CD82: variants seen among roughly 807,000 people sequenced by gnomAD.
The protein encoded by CD82 is CD82 molecule.
In CD82, 36 loss-of-function variants were observed where a neutral mutation model predicts 37.4. The observed-to-expected ratio is 0.96, with a 90% CI of 0.74 to 1.27. The LOEUF is 1.27. Among genes scored for constraint, CD82 ranks in the 50% most tolerant of loss-of-function variants. The pLI is 0.00. For synonymous variants in CD82, 158 were observed against 137.4 expected (o/e 1.15, Z -1.05); for missense variants, 340 against 347.0 (o/e 0.98, Z 0.16).
chr11:44,570,107 A>G (rs1012065274), intron 1 of CD82, among the ~76,000 whole-genome samples: 2 of 152,064 alleles, frequency 1.3e-5, no homozygotes, highest in Non-Finnish European at 2.9e-5. Flanking sequence ...TGCCTCTCCA[A>G]TATGTGTGTG....
At chr11:44,595,689 A>G (rs931411503) in intron 3 of CD82, among the ~76,000 whole-genome samples, 6 of 152,086 alleles carry the variant, frequency 3.9e-5, no homozygotes, top group African/African-American at 1.2e-4. Flanking sequence ...TACGGTAGAT[A>G]TTAATTACTT....
intron 1 of CD82, chr11:44,585,104 T>C: frequency 2.3e-6 from 1 of 432,334 alleles, no homozygotes; most frequent in South Asian, 1.6e-5. Flanking sequence ...AGGCTCCTCC[T>C]TCCTTAGGCA....
chr11:44,605,958 A>C (rs992901461), intron 6 of CD82, among the ~76,000 whole-genome samples: 1 of 152,240 alleles, frequency 6.6e-6, no homozygotes, highest in African/African-American at 2.4e-5. Flanking sequence ...CAGCTTTCAG[A>C]AACAGAAAAT....
chr11:44,607,095 G>A (rs1372528379), intron 6 of CD82, among the ~76,000 whole-genome samples: 2 of 152,250 alleles, frequency 1.3e-5, no homozygotes, highest in Non-Finnish European at 2.9e-5. Flanking sequence ...TGGCAGAGCC[G>A]GCAGCCAGAT....
At chr11:44,567,208 G>A (rs796793771) in intron 1 of CD82, among the ~76,000 whole-genome samples, 11 of 152,274 alleles carry the variant, frequency 7.2e-5, no homozygotes, top group African/African-American at 1.4e-4. Context: ...GGATGGGGGC[G>A]AGGGGCAATG....
At chr11:44,593,824 CTG>C (rs1216748560) in intron 2 of CD82, among the ~76,000 whole-genome samples, 2 of 152,010 alleles carry the variant, frequency 1.3e-5, no homozygotes, top group Non-Finnish European at 2.9e-5. Context: ...TTGGGGGACT[CTG>C]TGAGCCCCCA....
intron 2 of CD82, among the ~76,000 whole-genome samples, chr11:44,591,062 T>C (rs1389280535): frequency 2.0e-5 from 3 of 152,262 alleles, no homozygotes; most frequent in Non-Finnish European, 4.4e-5. Flanking sequence ...TCTTGGCCAG[T>C]GTGCCTGGGA....
rs756950931 is a variant in CD82, at chr11:44,597,116, C to T, written c.63+2391C>T. On this transcript the variant is annotated intron_variant, in intron 3 of 9. Coordinates refer to ENST00000227155, the MANE Select transcript of CD82 (RefSeq NM_002231.4). This position sits in a 1 kb window ranked among gnomAD's most constrained non-coding sequence, Gnocchi z 4.1. ...GTTTTATGCACATTGGGAGGGGTTT[C>T]GTGGTTGGATTTGTGGTTTGGAAAA... 1.8e-5 allele frequency: 8 copies of T among 438,592 alleles called. No homozygotes were observed. Among genetic ancestry groups the T allele is most frequent in the East Asian group, 7.1e-5 (1 of 14,120 alleles). 27.2% of individuals were successfully genotyped at this position (438,592 alleles called of 1,614,324 possible). A position where few individuals can be genotyped will look rare whatever the true frequency, so the allele number is the denominator to read the frequency against.
At chr11:44,601,279 A>G (rs1384886479) in intron 4 of CD82, among the ~76,000 whole-genome samples, 2 of 152,088 alleles carry the variant, frequency 1.3e-5, no homozygotes, top group Non-Finnish European at 2.9e-5. Flanking sequence ...TGGAGGGGCC[A>G]CATCTGTCCC....
chr11:44,595,310 T>G (rs1853206940), intron 3 of CD82, among the ~76,000 whole-genome samples: 1 of 152,166 alleles, frequency 6.6e-6, no homozygotes. Context: ...TGACTGCTGG[T>G]TTTCCTGGGG....
intron 1 of CD82, among the ~76,000 whole-genome samples, chr11:44,570,289 C>T (rs549168317): frequency 1.3e-5 from 2 of 152,338 alleles, no homozygotes; most frequent in East Asian, 3.9e-4. Context: ...TGCTTGGCTG[C>T]CTTTCCCAAG....
At chr11:44,575,166 G>T (rs899623765) in intron 1 of CD82, among the ~76,000 whole-genome samples, 6 of 152,334 alleles carry the variant, frequency 3.9e-5, no homozygotes, top group Admixed American at 3.9e-4. Context: ...GGAGGAGGAG[G>T]AGCAGGCTTT....
At chr11:44,578,477 C>T (rs1258226886) in intron 1 of CD82, among the ~76,000 whole-genome samples, 1 of 152,146 alleles carries the variant, frequency 6.6e-6, no homozygotes, top group African/African-American at 2.4e-5. Context: ...CTATACACCC[C>T]CCTTCCAGCT....
chr11:44,572,546 A>G (rs888770429), intron 1 of CD82, among the ~76,000 whole-genome samples: 2 of 152,354 alleles, frequency 1.3e-5, no homozygotes, highest in East Asian at 1.9e-4. Flanking sequence ...TATCAATTTG[A>G]CAAGCCTCAG....
chr11:44,619,590 G>A lies in CD82; in HGVS notation c.*464G>A, dbSNP rs145762348. The A allele has an allele frequency of 0.017, 2,533 of 153,312 alleles. 54 individuals are homozygous for A. The highest frequency in any genetic ancestry group is 0.047 in the African/African-American group (1,937 of 41,312). 9.5% of individuals were successfully genotyped at this position (153,312 alleles called of 1,614,324 possible). ...ATCCTGGCTAACATGGTGAAACCCC[G>A]TCTCTACTAAAAATACAAAAAAAAT... On this transcript the variant is annotated 3_prime_UTR_variant, in exon 10 of 10. Coordinates refer to ENST00000227155, the MANE Select transcript of CD82 (RefSeq NM_002231.4).
At chr11:44,582,266 C>T (rs954128937) in intron 1 of CD82, among the ~76,000 whole-genome samples, 3 of 152,202 alleles carry the variant, frequency 2.0e-5, no homozygotes, top group Admixed American at 1.3e-4. Context: ...TCCTTTTGCT[C>T]CTAGGTCTTT....
At chr11:44,599,920 C>T (rs1277961698) in intron 3 of CD82, among the ~76,000 whole-genome samples, 2 of 152,118 alleles carry the variant, frequency 1.3e-5, no homozygotes, top group African/African-American at 4.8e-5. Flanking sequence ...CTGAATCACA[C>T]ATGGTGGAGG....
At chr11:44,577,534 G>T (rs1356220349) in intron 1 of CD82, among the ~76,000 whole-genome samples, 1 of 152,094 alleles carries the variant, frequency 6.6e-6, no homozygotes, top group African/African-American at 2.4e-5. Context: ...GCCCCTGCAG[G>T]GTCTGGCAGG....
chr11:44,595,011 C>T, intron 3 of CD82: 1 of 467,180 alleles, frequency 2.1e-6, no homozygotes, highest in South Asian at 2.3e-5. Flanking sequence ...GAGAGGAGAG[C>T]CCCTGGGCAT....
Sources: allele counts gnomAD v4.1 joint callset (sites outside exome capture counted in the v4.1 genomes callset), GRCh38; gene constraint gnomAD v4.1.1; non-coding constraint Gnocchi (gnomAD v3.1); transcripts MANE v1.5; gene names NCBI Gene and HGNC (gene_info 2026-07-23, HGNC 2026-07-21).